Variants in LRP1 observed in about 807,000 individuals in gnomAD.
The protein encoded by LRP1 is LDL receptor related protein 1.
Under a neutral mutation model 541.5 loss-of-function variants are expected in LRP1, and 51 were observed. That is an observed-to-expected ratio of 0.09 (90% CI 0.08 to 0.12). LRP1 has a LOEUF of 0.12. Ranked by LOEUF, LRP1 falls within the 10% of genes least tolerant of loss-of-function variation. The pLI, the probability that LRP1 is intolerant of heterozygous loss-of-function variation, is 1.00. For synonymous variants in LRP1, 2,219 were observed against 2,470.8 expected, an observed-to-expected ratio of 0.90 and a Z score of 3.02; for missense variants, 3,878 against 6,376.2, an observed-to-expected ratio of 0.61 and a Z score of 13.34.
At chr12:57,188,481 G>A (rs989503476) in intron 42 of LRP1, among the ~76,000 whole-genome samples, 3 of 152,050 alleles carry the variant, frequency 2.0e-5, no homozygotes, top group Non-Finnish European at 4.4e-5. Context: ...TCCTGCCTCT[G>A]TCATCTGGCA....
intron 15 of LRP1, among the ~76,000 whole-genome samples, chr12:57,163,204 G>A (rs2136684223): frequency 6.6e-6 from 1 of 152,292 alleles, no homozygotes; most frequent in Middle Eastern, 3.4e-3. Context: ...TGAGGGGATG[G>A]CAATTAGGGG....
intron 22 of LRP1, among the ~76,000 whole-genome samples, chr12:57,174,404 A>T (rs553057551): frequency 1.3e-5 from 2 of 152,136 alleles, no homozygotes; most frequent in Admixed American, 1.3e-4. Flanking sequence ...TTGACTGCTG[A>T]TGGTCAGGGC....
chr12:57,206,383 G>A lies in LRP1; in HGVS notation c.11591-90G>A. 7.4e-7 allele frequency: 1 copy of A among 1,342,816 alleles called. No individual in the cohort carries two copies. The highest frequency in any genetic ancestry group is 1.0e-6 in the Non-Finnish European group (1 of 957,380). 83.2% of individuals were successfully genotyped at this position (1,342,816 alleles called of 1,614,324 possible). A position where few individuals can be genotyped will look rare whatever the true frequency, so the allele number is the denominator to read the frequency against. On this transcript the variant is annotated intron_variant, in intron 75 of 88. Transcript: ENST00000243077. This position sits in a 1 kb window ranked among gnomAD's most constrained non-coding sequence, Gnocchi z 4.7. ...GCCGGAGCAGATGGTCCTACCAGGA[G>A]ATGGGACAGTGTTCATGTGAAAGGA...
chr12:57,155,785 C>A (rs1404864346), intron 8 of LRP1, among the ~76,000 whole-genome samples: 1 of 151,996 alleles, frequency 6.6e-6, no homozygotes, highest in Non-Finnish European at 1.5e-5. Context: ...CCCATCTCTA[C>A]ACAAAATTTG....
At chr12:57,171,410 G>A (rs534318370) in intron 20 of LRP1, among the ~76,000 whole-genome samples, 29 of 152,282 alleles carry the variant, frequency 1.9e-4, no homozygotes, top group African/African-American at 6.0e-4. Flanking sequence ...AGACTTAGAG[G>A]GTGAAACTGA....
Position 57,184,722 on chromosome 12 carries a change from A to G in LRP1, c.6187-117A>G, listed in dbSNP as rs2036234790. The G allele has an allele frequency of 8.7e-7, 1 of 1,155,440 alleles. No individual in the cohort carries two copies. Among genetic ancestry groups the G allele is most frequent in the Admixed American group, 2.4e-5 (1 of 42,252 alleles). 71.6% of individuals were successfully genotyped at this position (1,155,440 alleles called of 1,614,324 possible). Reference sequence around the variant, plus strand: ...GGAGTGTATGCAGGAGGCAGGAGTGAGTTAGGGGAGGCTGAACTGAGGGCC... The same window carrying G: ...GGAGTGTATGCAGGAGGCAGGAGTGGGTTAGGGGAGGCTGAACTGAGGGCC... On this transcript the variant is annotated intron_variant, in intron 38 of 88. Coordinates refer to ENST00000243077, the MANE Select transcript of LRP1 (RefSeq NM_002332.3). The surrounding 1 kb of genome is among the most constrained non-coding windows in gnomAD (Gnocchi z 7.8).
In LRP1 at chr12:57,189,727, G is replaced by A. The variant is rs897832013; in HGVS notation, c.7032-1078G>A. 1.3e-5 allele frequency among the ~76,000 whole-genome samples: 2 copies of A among 152,084 alleles called. No homozygotes were observed. The highest frequency in any genetic ancestry group is 2.9e-5 in the Non-Finnish European group (2 of 68,016). ...AGGCCAGAGGCACTGGGGTGGGGGC[G>A]GGGGCAGGTCCTGTTAGGGAACTGG... On this transcript the variant is annotated intron_variant, in intron 42 of 88. Transcript: ENST00000243077. This position sits in a 1 kb window ranked among gnomAD's most constrained non-coding sequence, Gnocchi z 4.4.
intron 1 of LRP1, among the ~76,000 whole-genome samples, chr12:57,131,557 G>A (rs2035040198): frequency 6.6e-6 from 1 of 152,078 alleles, no homozygotes; most frequent in Non-Finnish European, 1.5e-5. Context: ...ATGAAGCTGG[G>A]GTGTTAGCTT....
At chr12:57,169,831 G>T (rs954117759) in intron 20 of LRP1, among the ~76,000 whole-genome samples, 1 of 152,262 alleles carries the variant, frequency 6.6e-6, no homozygotes, top group Non-Finnish European at 1.5e-5. Context: ...GGCCTCTGGG[G>T]CCCAGCCTCG....
intron 1 of LRP1, among the ~76,000 whole-genome samples, chr12:57,131,304 A>G (rs1263916327): frequency 6.6e-6 from 1 of 152,138 alleles, no homozygotes; most frequent in Non-Finnish European, 1.5e-5. Flanking sequence ...GTCACTCCCC[A>G]CTAGCGACAA....
intron 19 of LRP1, among the ~76,000 whole-genome samples, chr12:57,168,633 C>T (rs1393065881): frequency 6.6e-6 from 1 of 152,150 alleles, no homozygotes; most frequent in East Asian, 1.9e-4. Flanking sequence ...CCAGCCTCAG[C>T]GAGCTTGGTC....
At chr12:57,180,512 AG>A (rs1453243529) in intron 32 of LRP1, 33 bp downstream of exon 32, 1 of 1,612,518 alleles carries the variant, frequency 6.2e-7, no homozygotes, top group African/African-American at 1.3e-5. Context: ...GAGATGACGC[AG>A]AGCAGGCCAG....
Position 57,156,053 on chromosome 12 carries a change from C to T in LRP1, c.1228-41C>T. 6.4e-7 allele frequency: 1 copy of T among 1,553,152 alleles called. No homozygotes were observed. Among genetic ancestry groups the T allele is most frequent in the African/African-American group, 1.4e-5 (1 of 74,042 alleles). The stretch of plus-strand genomic sequence containing the variant: ...GATCTCCAGGACAGAGGGAGGAACC[C>T]CTGTCATCTCATGCTGTCCATTCTT... On this transcript the variant is annotated intron_variant, in intron 8 of 88. Coordinates refer to ENST00000243077, the MANE Select transcript of LRP1 (RefSeq NM_002332.3). The surrounding 1 kb of genome is among the most constrained non-coding windows in gnomAD (Gnocchi z 5.2).
intron 6 of LRP1, among the ~76,000 whole-genome samples, chr12:57,148,176 CT>C (rs1410772572): frequency 7.1e-6 from 1 of 140,402 alleles, no homozygotes; most frequent in Non-Finnish European, 1.5e-5. Context: ...TTTTTTTTAA[CT>C]GTTATAGTTA....
intron 34 of LRP1, among the ~76,000 whole-genome samples, chr12:57,182,107 T>A (rs7955807): frequency 2.0e-5 from 3 of 152,132 alleles, no homozygotes; most frequent in African/African-American, 7.2e-5. Context: ...TTTTTTTCAC[T>A]GAGTCTGAGC....
chr12:57,184,546 C>G lies in LRP1; in HGVS notation c.6186+94C>G. 1 of 1,536,468 alleles carries G rather than the reference C, an allele frequency of 6.5e-7. No individual in the cohort carries two copies. The highest frequency in any genetic ancestry group is 1.2e-5 in the South Asian group (1 of 81,618). ...AGCCCATTCTGGGAGGACTTGGAGC[C>G]CAGGGGAAGTCACAGGGTCTCCCAG... On this transcript the variant is annotated intron_variant, in intron 38 of 88. Coordinates refer to ENST00000243077, the MANE Select transcript of LRP1 (RefSeq NM_002332.3). This position sits in a 1 kb window ranked among gnomAD's most constrained non-coding sequence, Gnocchi z 7.8.
chr12:57,149,734 C>T (rs748907047), intron 6 of LRP1: 9 of 730,224 alleles, frequency 1.2e-5, no homozygotes, highest in Non-Finnish European at 2.2e-5. Context: ...GGCTAAGCTC[C>T]AGACTGGCTG....
At chr12:57,138,169 C>T (rs1160033074) in intron 1 of LRP1, among the ~76,000 whole-genome samples, 1 of 152,092 alleles carries the variant, frequency 6.6e-6, no homozygotes, top group Non-Finnish European at 1.5e-5. Flanking sequence ...TGAGAGTAAC[C>T]AAGAATAGCA....
Position 57,183,535 on chromosome 12 carries a change from G to T in LRP1, c.5794+25G>T, listed in dbSNP as rs1371002011. ...GGTGAGCCATTTGGTGGCAGAGGGA[G>T]TTGGGCGTGGCGTAGGAGCTTTAGG... On this transcript the variant is annotated intron_variant, in intron 35 of 88. Coordinates refer to ENST00000243077, the MANE Select transcript of LRP1 (RefSeq NM_002332.3). The surrounding 1 kb of genome is among the most constrained non-coding windows in gnomAD (Gnocchi z 6.1). 1 of 1,608,144 alleles carries T rather than the reference G, an allele frequency of 6.2e-7. No homozygotes were observed. The highest frequency in any genetic ancestry group is 8.5e-7 in the Non-Finnish European group (1 of 1,176,218).
Sources: allele counts gnomAD v4.1 joint callset (sites outside exome capture counted in the v4.1 genomes callset), GRCh38; gene constraint gnomAD v4.1.1; non-coding constraint Gnocchi (gnomAD v3.1); transcripts MANE v1.5; gene names NCBI Gene and HGNC (gene_info 2026-07-23, HGNC 2026-07-21).